IQCM: variants seen among roughly 807,000 people sequenced by gnomAD.
IQCM encodes IQ motif containing M, also known as IQ domain-containing protein M.
A neutral mutation model predicts 57.6 loss-of-function variants in IQCM; 45 were observed. The observed-to-expected ratio is 0.78, with a 90% CI of 0.62 to 1.00. The LOEUF is 1.00. Ranked by LOEUF, IQCM falls within the 50% of genes least tolerant of loss-of-function variation. The pLI is 0.00. For missense variants in IQCM, 468 were observed against 511.6 expected (o/e 0.91, Z 0.82); for synonymous variants, 148 against 158.9 (o/e 0.93, Z 0.51).
chr4:149,810,362 CAAA>C (rs748565416), intron 2 of IQCM, among the ~76,000 whole-genome samples: 34 of 86,220 alleles, frequency 3.9e-4, no homozygotes, highest in East Asian at 2.2e-3. Context: ...ACACCATCTC[CAAA>C]AAAAAAAAAA....
At chr4:149,596,002 C>G (rs559731102) in intron 8 of IQCM, among the ~76,000 whole-genome samples, 2 of 152,228 alleles carry the variant, frequency 1.3e-5, no homozygotes, top group South Asian at 4.1e-4. Flanking sequence ...GAAGATGACA[C>G]AGAAAAATAC....
chr4:149,594,514 C>T (rs1163196750), intron 8 of IQCM, among the ~76,000 whole-genome samples: 2 of 152,100 alleles, frequency 1.3e-5, no homozygotes, highest in Admixed American at 1.3e-4. Flanking sequence ...AATGTGTTTG[C>T]TCTTGCTTCT....
chr4:149,387,676 T>A (rs1448922431), intron 13 of IQCM, among the ~76,000 whole-genome samples: 3 of 152,070 alleles, frequency 2.0e-5, no homozygotes, highest in African/African-American at 7.2e-5. Context: ...CTATTTCTTT[T>A]TCTTTATAGC....
intron 13 of IQCM, among the ~76,000 whole-genome samples, chr4:149,379,118 A>G (rs890721231): frequency 1.3e-5 from 2 of 152,196 alleles, no homozygotes; most frequent in Non-Finnish European, 2.9e-5. Flanking sequence ...CTCCGCCTAG[A>G]TTTCAGAGGA....
rs181208628 is a variant in IQCM, at chr4:149,359,725, A to G, written c.1391-7659T>C. 2.6e-3 allele frequency among the ~76,000 whole-genome samples: 399 copies of G among 152,292 alleles called. 5 individuals are homozygous for G. Among genetic ancestry groups the G allele is most frequent in the East Asian group, 5.0e-3 (26 of 5,184 alleles). On this transcript the variant is annotated intron_variant, in intron 13 of 13. Transcript: ENST00000636793. ...TTATCTACAAATTTTTATATTCACA[A>G]GTCCATGTTATTATTCTTCATGCAA...
intron 12 of IQCM, among the ~76,000 whole-genome samples, chr4:149,448,128 TA>T (rs761734472): frequency 5.3e-5 from 8 of 151,690 alleles, no homozygotes; most frequent in Non-Finnish European, 7.4e-5. Context: ...AATTTTGCAT[TA>T]AAAACTCTCA....
chr4:149,360,387 A>G (rs547180624), intron 13 of IQCM, among the ~76,000 whole-genome samples: 1 of 152,326 alleles, frequency 6.6e-6, no homozygotes, highest in South Asian at 2.1e-4. Flanking sequence ...TGCAAATACT[A>G]CATCATTTTT....
intron 2 of IQCM, among the ~76,000 whole-genome samples, chr4:149,806,714 G>T (rs888780995): frequency 1.3e-5 from 2 of 151,912 alleles, no homozygotes; most frequent in Admixed American, 1.3e-4. Flanking sequence ...AAAATCTTAT[G>T]ACCTTGAAGC....
chr4:149,380,219 C>CGT (rs375972746), intron 13 of IQCM, among the ~76,000 whole-genome samples: 6,857 of 148,268 alleles, frequency 0.046, 345 homozygotes, highest in Admixed American at 0.12. Flanking sequence ...TGAATGTGCT[C>CGT]GTGTGTGTGT....
intron 12 of IQCM, chr4:149,514,700 C>T (rs781322746): frequency 1.3e-5 from 2 of 152,186 alleles, no homozygotes; most frequent in Non-Finnish European, 2.9e-5. Flanking sequence ...TGAGTGTCAA[C>T]TCGATTGGAT....
At chr4:149,624,941 TG>T (rs1370418388) in intron 7 of IQCM, among the ~76,000 whole-genome samples, 1 of 152,230 alleles carries the variant, frequency 6.6e-6, no homozygotes, top group African/African-American at 2.4e-5. Context: ...AAGCTCGTTC[TG>T]TTTCCCTTTT....
At chr4:149,682,243 G>T in intron 6 of IQCM, 37 bp from the exon 7 acceptor site, 1 of 895,912 alleles carries the variant, frequency 1.1e-6, no homozygotes, top group Non-Finnish European at 1.5e-6. Context: ...TAATTTGATA[G>T]TCCCTATTTT....
chr4:149,646,736 C>T (rs374543978), intron 7 of IQCM, among the ~76,000 whole-genome samples: 2 of 152,196 alleles, frequency 1.3e-5, no homozygotes, highest in Admixed American at 6.5e-5. Context: ...GTAATCCCAG[C>T]GCTTTGGGAG....
intron 7 of IQCM, among the ~76,000 whole-genome samples, chr4:149,678,890 C>G (rs936698847): frequency 4.6e-5 from 7 of 151,508 alleles, no homozygotes; most frequent in African/African-American, 1.7e-4. Context: ...ATAAAAGATG[C>G]TGATGATATG....
intron 13 of IQCM, among the ~76,000 whole-genome samples, chr4:149,401,719 C>T (rs1732632073): frequency 6.6e-6 from 1 of 151,640 alleles, no homozygotes; most frequent in African/African-American, 2.4e-5. Context: ...ATTTTGCTTA[C>T]AAAATGAGTT....
At chr4:149,356,189 T>C (rs1728964265) in intron 13 of IQCM, among the ~76,000 whole-genome samples, 1 of 152,206 alleles carries the variant, frequency 6.6e-6, no homozygotes, top group Non-Finnish European at 1.5e-5. Context: ...TCCCATTCTG[T>C]AGGTTGCCTG....
intron 12 of IQCM, among the ~76,000 whole-genome samples, chr4:149,440,049 T>G (rs546462172): frequency 4.8e-4 from 72 of 150,314 alleles, no homozygotes; most frequent in African/African-American, 1.6e-3. Flanking sequence ...CTCTGCTTCC[T>G]GGGTTCTAGC....
At chr4:149,647,401 A>G (rs1272171922) in intron 7 of IQCM, among the ~76,000 whole-genome samples, 2 of 152,016 alleles carry the variant, frequency 1.3e-5, no homozygotes, top group African/African-American at 2.4e-5. Flanking sequence ...TGTTGGTCAT[A>G]AACACATTGT....
intron 5 of IQCM, among the ~76,000 whole-genome samples, chr4:149,700,108 G>A (rs1345087016): frequency 6.6e-6 from 1 of 151,986 alleles, no homozygotes; most frequent in Non-Finnish European, 1.5e-5. Context: ...AAGATGCTCT[G>A]AGCAATCACA....
Sources: gnomAD v4.1 joint callset for allele counts (sites outside exome capture counted in the v4.1 genomes callset) on GRCh38, gnomAD v4.1.1 for gene constraint, MANE v1.5 for transcripts, NCBI Gene and HGNC (gene_info 2026-07-23, HGNC 2026-07-21) for gene names.